SNTG1: variants seen among roughly 807,000 people sequenced by gnomAD.
SNTG1 encodes syntrophin gamma 1.
A neutral mutation model predicts 74.7 loss-of-function variants in SNTG1; 39 were observed. The ratio of observed to expected loss-of-function variants is 0.52; its 90% CI spans 0.40 to 0.68. The LOEUF is 0.68. Among genes scored for constraint, SNTG1 ranks in the 30% least tolerant of loss-of-function variants. SNTG1 has a pLI of 0.00. For synonymous variants in SNTG1, 254 were observed against 217.1 expected (o/e 1.17, Z -1.49); for missense variants, 685 against 609.5 (o/e 1.12, Z -1.30).
chr8:50,095,518 A>G (rs1010063002), intron 1 of SNTG1, among the ~76,000 whole-genome samples: 4 of 152,172 alleles, frequency 2.6e-5, no homozygotes, highest in African/African-American at 9.7e-5. Flanking sequence ...GATTTTATAT[A>G]CAATAGATTT....
chr8:50,434,348 A>G (rs1276333153), intron 4 of SNTG1, among the ~76,000 whole-genome samples: 1 of 152,200 alleles, frequency 6.6e-6, no homozygotes, highest in Non-Finnish European at 1.5e-5. Flanking sequence ...CACAATAAAT[A>G]TACGTGTGCA....
intron 1 of SNTG1, among the ~76,000 whole-genome samples, chr8:50,050,575 G>A (rs989076085): frequency 1.3e-5 from 2 of 151,888 alleles, no homozygotes; most frequent in Admixed American, 1.3e-4. Flanking sequence ...AAAATCCTAA[G>A]TACAGATGCT....
chr8:50,505,578 T>C (rs1250549419), intron 9 of SNTG1, among the ~76,000 whole-genome samples: 1 of 152,108 alleles, frequency 6.6e-6, no homozygotes, highest in Non-Finnish European at 1.5e-5. Flanking sequence ...TTCACTGTGG[T>C]TTTGATTTGA....
intron 5 of SNTG1, among the ~76,000 whole-genome samples, chr8:50,440,052 A>G (rs2131576567): frequency 6.6e-6 from 1 of 151,552 alleles, no homozygotes; most frequent in African/African-American, 2.4e-5. Flanking sequence ...AAAGCTTTTC[A>G]TTTTAATATT....
At chr8:50,290,744 GATTT>G (rs1193323101) in intron 2 of SNTG1, among the ~76,000 whole-genome samples, 1 of 151,762 alleles carries the variant, frequency 6.6e-6, no homozygotes, top group Non-Finnish European at 1.5e-5. Flanking sequence ...AATTTTTTGG[GATTT>G]ATTTATTTTG....
At chr8:50,606,659 G>A (rs1435381841) in intron 13 of SNTG1, among the ~76,000 whole-genome samples, 1 of 151,082 alleles carries the variant, frequency 6.6e-6, no homozygotes, top group East Asian at 1.9e-4. Context: ...GATCATAGGG[G>A]AAATCATTAA....
At chr8:50,184,204 C>T (rs139207200) in intron 2 of SNTG1, among the ~76,000 whole-genome samples, 7,287 of 152,122 alleles carry the variant, frequency 0.048, 206 homozygotes, top group Middle Eastern at 0.092. Context: ...CTTGCTCTGT[C>T]GCCCAGGCTG....
chr8:49,932,014 T>C (rs1807637733), intron 1 of SNTG1, among the ~76,000 whole-genome samples: 2 of 152,274 alleles, frequency 1.3e-5, no homozygotes, highest in South Asian at 4.1e-4. Context: ...TTTTATGCAT[T>C]GTGTGTGCTT....
rs568567336 is a variant in SNTG1 at position 50,062,656 on chromosome 8, C to T, written c.-102-109905C>T. ...TGTGTCTTTGAATAGAAATAAGTTT[C>T]TTACAGTCAGCAAAATCTGATTTAT... is the stretch of plus-strand genomic sequence containing the variant. On this transcript the variant is annotated intron_variant, in intron 1 of 18. Coordinates refer to ENST00000642720, the MANE Select transcript of SNTG1 (RefSeq NM_018967.5). Among the ~76,000 whole-genome samples, 299 of 152,112 alleles carry T rather than the reference C, an allele frequency of 2.0e-3. 1 individual carries two copies. Among genetic ancestry groups the T allele is most frequent in the African/African-American group, 6.9e-3 (288 of 41,518 alleles).
intron 18 of SNTG1, among the ~76,000 whole-genome samples, chr8:50,785,309 CGAGA>C (rs1480076100): frequency 1.3e-5 from 2 of 150,864 alleles, no homozygotes; most frequent in African/African-American, 4.9e-5. Context: ...AACCAAACAG[CGAGA>C]GAGAGAATAT....
intron 2 of SNTG1, among the ~76,000 whole-genome samples, chr8:50,288,734 T>C (rs189100816): frequency 6.6e-6 from 1 of 152,254 alleles, no homozygotes; most frequent in Admixed American, 6.5e-5. Context: ...TGATTTTTAG[T>C]TATATGATTA....
chr8:50,792,382 G>A (rs2095693535), intron 18 of SNTG1, among the ~76,000 whole-genome samples: 1 of 151,720 alleles, frequency 6.6e-6, no homozygotes, highest in Non-Finnish European at 1.5e-5. Context: ...ACATTATCAA[G>A]AGTAAAATTT....
In SNTG1 at chr8:50,044,472, G is replaced by A. The variant is rs2130837833; in HGVS notation, c.-102-128089G>A. 1.3e-5 allele frequency among the ~76,000 whole-genome samples: 2 copies of A among 152,288 alleles called. 1 individual carries two copies. The highest frequency in any genetic ancestry group is 4.1e-4 in the South Asian group (2 of 4,830). ...TGTGATATTAATGTCTTCTAATGGT[G>A]AAATTAGCTTAAAAATGGCTTTTCA... On this transcript the variant is annotated intron_variant, in intron 1 of 18. Coordinates refer to ENST00000642720, the MANE Select transcript of SNTG1 (RefSeq NM_018967.5).
chr8:50,041,237 G>A (rs924432048), intron 1 of SNTG1, among the ~76,000 whole-genome samples: 6 of 152,072 alleles, frequency 3.9e-5, no homozygotes, highest in African/African-American at 1.2e-4. Context: ...TTATTGAGTC[G>A]CTTTGAAATT....
chr8:50,206,935 A>G (rs1340141158), intron 2 of SNTG1, among the ~76,000 whole-genome samples: 1 of 152,210 alleles, frequency 6.6e-6, no homozygotes, highest in Non-Finnish European at 1.5e-5. Context: ...TGTGATGGAT[A>G]ACCTTTTTGA....
At chr8:50,058,849 C>G (rs946851644) in intron 1 of SNTG1, among the ~76,000 whole-genome samples, 2 of 151,902 alleles carry the variant, frequency 1.3e-5, no homozygotes, top group Non-Finnish European at 2.9e-5. Context: ...GTCATCGCCA[C>G]AAGAATTCCT....
At chr8:50,651,139 C>G (rs2095142956) in intron 13 of SNTG1, among the ~76,000 whole-genome samples, 1 of 151,888 alleles carries the variant, frequency 6.6e-6, no homozygotes, top group Non-Finnish European at 1.5e-5. Context: ...CATTATTATT[C>G]TCTCTTAACA....
rs2095453621 is a variant in SNTG1, at chr8:50,708,964, G to A, written c.1270G>A (p.Asp424Asn). The A allele has an allele frequency of 6.2e-7, 1 of 1,613,400 alleles. No individual in the cohort carries two copies. The highest frequency in any genetic ancestry group is 8.5e-7 in the Non-Finnish European group (1 of 1,179,554). Reference sequence around the variant, plus strand: ...TTTCAGCACAGGATTTATCTGCTTTGATGCTGCAACAAAGGTAATGTGTTC... The same window carrying A: ...TTTCAGCACAGGATTTATCTGCTTTAATGCTGCAACAAAGGTAATGTGTTC... ...IDFSTGFICF[D>N]AATKAVLWRY... is the part of the protein sequence containing the mutation. Residue 424 changes from aspartate to asparagine, a missense_variant, in exon 17 of 19, where the codon GAT becomes AAT. Physicochemically the swap from Asp to Asn is conservative, Grantham distance 23. Coordinates refer to ENST00000642720, the MANE Select transcript of SNTG1 (RefSeq NM_018967.5).
At chr8:49,935,107 G>C (rs1468911689) in intron 1 of SNTG1, among the ~76,000 whole-genome samples, 2 of 151,776 alleles carry the variant, frequency 1.3e-5, no homozygotes, top group Non-Finnish European at 2.9e-5. Flanking sequence ...TGACCAAACA[G>C]TTGTAGGAAG....
Sources: gnomAD v4.1 joint callset for allele counts (sites outside exome capture counted in the v4.1 genomes callset) on GRCh38, gnomAD v4.1.1 for gene constraint, MANE v1.5 for transcripts, NCBI Gene and HGNC (gene_info 2026-07-23, HGNC 2026-07-21) for gene names.